DCC: variants seen among roughly 807,000 people sequenced by gnomAD.
DCC encodes the protein DCC netrin 1 receptor, also known as netrin receptor DCC.
DCC carries 58 observed loss-of-function variants against 172.5 expected under a neutral mutation model. The ratio of observed to expected loss-of-function variants is 0.34; its 90% CI spans 0.27 to 0.42. DCC has a LOEUF of 0.42. DCC is among the 10% of genes least tolerant of loss of function. The pLI, the probability that DCC is intolerant of heterozygous loss-of-function variation, is 1.00. For synonymous variants in DCC, 709 were observed against 644.5 expected (o/e 1.10, Z -1.52); for missense variants, 1,740 against 1,791.0 (o/e 0.97, Z 0.51).
intron 21 of DCC, among the ~76,000 whole-genome samples, chr18:53,417,335 A>G (rs1363271740): frequency 6.6e-6 from 1 of 152,180 alleles, no homozygotes; most frequent in Non-Finnish European, 1.5e-5. Flanking sequence ...AATAATTGAA[A>G]TGGGACTGTG....
intron 2 of DCC, among the ~76,000 whole-genome samples, chr18:52,862,942 C>A (rs989524068): frequency 6.6e-6 from 1 of 151,994 alleles, no homozygotes; most frequent in Non-Finnish European, 1.5e-5. Context: ...CAAGGAGAAA[C>A]CTAAATTCTA....
chr18:52,666,984 C>G (rs1047245870), intron 1 of DCC, among the ~76,000 whole-genome samples: 1 of 151,928 alleles, frequency 6.6e-6, no homozygotes, highest in East Asian at 1.9e-4. Context: ...CTAATAAGAA[C>G]GAAATTGAAT....
chr18:53,312,266 G>A (rs1235723176), intron 13 of DCC, among the ~76,000 whole-genome samples: 2 of 145,494 alleles, frequency 1.4e-5, no homozygotes, highest in South Asian at 2.2e-4. Flanking sequence ...GCATGAATCC[G>A]GGAGGTGGGG....
rs892626298 is a variant in DCC at position 53,181,353 on chromosome 18, T to A, written c.1573+2237T>A. On this transcript the variant is annotated intron_variant, in intron 9 of 28. Transcript: ENST00000442544. ...CATTTTTTTTCCCCTTGATCAATAC[T>A]ATTGTTTCTAAGCATTCAACTTAAG... 2.6e-5 allele frequency among the ~76,000 whole-genome samples: 4 copies of A among 152,134 alleles called. No individual in the cohort carries two copies. In the South Asian group the frequency reaches 8.3e-4, roughly 31 times the overall value.
At chr18:52,408,401 A>G (rs1986728979) in intron 1 of DCC, among the ~76,000 whole-genome samples, 1 of 152,084 alleles carries the variant, frequency 6.6e-6, no homozygotes, top group Non-Finnish European at 1.5e-5. Flanking sequence ...CAAATGCTGA[A>G]TTCAGGATGC....
chr18:53,382,920 A>G lies in DCC; in HGVS notation c.2360-3123A>G, dbSNP rs535516902. On this transcript the variant is annotated intron_variant, in intron 15 of 28. Transcript: ENST00000442544. Reference sequence around the variant, plus strand: ...AATTTTATGAAGAAAACTCAATCAGATCAATTTTTATAGATGTCTATCAGA... The same window carrying G: ...AATTTTATGAAGAAAACTCAATCAGGTCAATTTTTATAGATGTCTATCAGA... Among the ~76,000 whole-genome samples the G allele has an allele frequency of 6.6e-5, 10 of 152,246 alleles. No homozygotes were observed. In the East Asian group the frequency reaches 1.7e-3, roughly 26 times the overall value.
chr18:53,263,656 A>G (rs1312474295), intron 12 of DCC, among the ~76,000 whole-genome samples: 5 of 152,180 alleles, frequency 3.3e-5, no homozygotes, highest in South Asian at 2.1e-4. Flanking sequence ...TTTTTTAGAC[A>G]TAAATATTAC....
At position 52,521,393 on chromosome 18, in the gene DCC, C is replaced by T. The variant is rs111841818; in HGVS notation, c.91+180515C>T. Among the ~76,000 whole-genome samples, 287 of 152,178 alleles carry T rather than the reference C, an allele frequency of 1.9e-3. 5 individuals are homozygous for T. The highest frequency in any genetic ancestry group is 6.4e-3 in the African/African-American group (264 of 41,526). The stretch of plus-strand genomic sequence containing the variant: ...AACACCATGGACTGTTTGCTTTAAA[C>T]GACAAAAATTTATTGTCTCAGTTCC... On this transcript the variant is annotated intron_variant, in intron 1 of 28. Coordinates refer to ENST00000442544, the MANE Select transcript of DCC (RefSeq NM_005215.4).
chr18:52,678,676 C>T (rs934892290), intron 1 of DCC, among the ~76,000 whole-genome samples: 14 of 152,134 alleles, frequency 9.2e-5, no homozygotes, highest in Non-Finnish European at 1.8e-4. Flanking sequence ...ACAAAGAACA[C>T]ACATGAATAT....
At chr18:53,233,097 T>C (rs948723726) in intron 12 of DCC, among the ~76,000 whole-genome samples, 1 of 152,202 alleles carries the variant, frequency 6.6e-6, no homozygotes, top group Non-Finnish European at 1.5e-5. Context: ...CCTGATGAAC[T>C]ACCTTGCCTG....
In DCC at chr18:52,344,525, G is replaced by A. The variant is rs189528823; in HGVS notation, c.91+3647G>A. On this transcript the variant is annotated intron_variant, in intron 1 of 28. Coordinates refer to ENST00000442544, the MANE Select transcript of DCC (RefSeq NM_005215.4). The stretch of plus-strand genomic sequence containing the variant: ...GGGATTCTTCAAATGCATATAATAT[G>A]CTCCTGGAATGTTTGCAGCTGCACG... Among the ~76,000 whole-genome samples, 682 of 152,254 alleles carry A rather than the reference G, an allele frequency of 4.5e-3. 2 individuals are homozygous for A. Among genetic ancestry groups the A allele is most frequent in the Non-Finnish European group, 7.9e-3 (538 of 68,024 alleles).
intron 13 of DCC, among the ~76,000 whole-genome samples, chr18:53,312,817 A>AAAC (rs1351322518): frequency 1.3e-5 from 2 of 149,392 alleles, no homozygotes; most frequent in Non-Finnish European, 3.0e-5. Context: ...TCAAAAAAAA[A>AAAC]AAAAAAAAGC....
At chr18:53,207,533 G>A in intron 10 of DCC, 146 bp from the exon 11 acceptor site, 1 of 739,968 alleles carries the variant, frequency 1.4e-6, no homozygotes. Flanking sequence ...GGGAGTCTGT[G>A]TCACAAGGTA....
chr18:52,426,064 G>A (rs535396630), intron 1 of DCC, among the ~76,000 whole-genome samples: 1 of 151,964 alleles, frequency 6.6e-6, no homozygotes, highest in Non-Finnish European at 1.5e-5. Context: ...CTATTTCTAA[G>A]GCTCACCTTA....
At chr18:53,148,541 G>A (rs2043949869) in intron 7 of DCC, among the ~76,000 whole-genome samples, 1 of 152,132 alleles carries the variant, frequency 6.6e-6, no homozygotes, top group Admixed American at 6.6e-5. Context: ...AAGATGCCAG[G>A]AAGAGACATT....
chr18:53,296,792 A>G (rs1363585597), intron 12 of DCC, among the ~76,000 whole-genome samples: 2 of 152,330 alleles, frequency 1.3e-5, no homozygotes, highest in Middle Eastern at 3.4e-3. Context: ...TCAAGTCACC[A>G]GAAGTCCAAA....
At chr18:53,309,386 C>A (rs147396338) in intron 13 of DCC, among the ~76,000 whole-genome samples, 1 of 152,192 alleles carries the variant, frequency 6.6e-6, no homozygotes, top group Non-Finnish European at 1.5e-5. Context: ...CACTTGAAAT[C>A]CAGGATGACT....
At chr18:53,228,869 T>G (rs1204652297) in intron 12 of DCC, among the ~76,000 whole-genome samples, 1 of 152,196 alleles carries the variant, frequency 6.6e-6, no homozygotes, top group Non-Finnish European at 1.5e-5. Context: ...AGTGCATTAT[T>G]AGTTGCAGTG....
chr18:52,591,032 T>C (rs777944556), intron 1 of DCC, among the ~76,000 whole-genome samples: 3 of 152,160 alleles, frequency 2.0e-5, no homozygotes, highest in Non-Finnish European at 2.9e-5. Context: ...ATCAAAAACA[T>C]TGAAGTTTTA....
Sources: gnomAD v4.1 joint callset for allele counts (sites outside exome capture counted in the v4.1 genomes callset) on GRCh38, gnomAD v4.1.1 for gene constraint, MANE v1.5 for transcripts, NCBI Gene and HGNC (gene_info 2026-07-23, HGNC 2026-07-21) for gene names.